The following UBR1 variants were observed in gnomAD, a reference collection of about 807,000 sequenced individuals.
UBR1 encodes ubiquitin protein ligase E3 component n-recognin 1, also known as E3 ubiquitin-protein ligase UBR1.
A neutral mutation model predicts 242.1 loss-of-function variants in UBR1; 102 were observed. The ratio of observed to expected loss-of-function variants is 0.42; its 90% CI spans 0.36 to 0.50. The LOEUF (loss-of-function observed/expected upper bound fraction) is 0.50, where lower values mean the gene tolerates loss of function less well. Among genes scored for constraint, UBR1 ranks in the 20% least tolerant of loss-of-function variants. The pLI is 0.01. For synonymous variants in UBR1, 675 were observed against 684.8 expected (o/e 0.99, Z 0.22); for missense variants, 1,772 against 2,101.8 (o/e 0.84, Z 3.07).
At chr15:42,983,484 C>G (rs1187610107) in intron 37 of UBR1, among the ~76,000 whole-genome samples, 1 of 151,378 alleles carries the variant, frequency 6.6e-6, no homozygotes, top group Non-Finnish European at 1.5e-5. Flanking sequence ...ATGGTGAAAC[C>G]CCATCTCTGC....
At position 43,037,832 on chromosome 15, in the gene UBR1, A is replaced by C. The variant is rs1206613222; in HGVS notation, c.1963T>G (p.Leu655Val). 6.2e-7 allele frequency: 1 copy of C among 1,614,172 alleles called. No homozygotes were observed. Among genetic ancestry groups the C allele is most frequent in the Non-Finnish European group, 8.5e-7 (1 of 1,180,026 alleles). Residue 655 changes from leucine (L) to valine (V), a missense_variant, in exon 17 of 47, where the codon TTG becomes GTG. This residue lies in a region of UBR1 where 734 missense variants were observed against 893.3 expected (regional missense o/e 0.82). Transcript: ENST00000290650. Reference sequence around the variant, plus strand: ...ATCTCAGCAACAACCTGGGCAACCAACACCAGACAACGTAAAGGATATTCC... The same window carrying C: ...ATCTCAGCAACAACCTGGGCAACCACCACCAGACAACGTAAAGGATATTCC... ...LVEYPLRCLVLVAQVVAEMWR... is the reference protein window; with the variant it reads ...LVEYPLRCLVVVAQVVAEMWR...
chr15:42,967,530 CTA>C, intron 40 of UBR1, among the ~76,000 whole-genome samples: 1 of 150,614 alleles, frequency 6.6e-6, no homozygotes, highest in East Asian at 2.0e-4. Context: ...TTCCTGGTTT[CTA>C]TATTAAGATT....
intron 12 of UBR1, 139 bp from the exon 13 acceptor site, chr15:43,048,630 CTAGAATTATTTA>C: frequency 2.9e-6 from 2 of 689,620 alleles, no homozygotes; most frequent in Non-Finnish European, 4.9e-6. Context: ...CTGAGTAGAG[CTAGAATTATTTA>C]TTCTGCCTTA....
chr15:43,083,736 A>G (rs1370149490), intron 2 of UBR1, among the ~76,000 whole-genome samples: 1 of 151,918 alleles, frequency 6.6e-6, no homozygotes, highest in Non-Finnish European at 1.5e-5. Flanking sequence ...AAAATTGGGG[A>G]ATTTTAAAAA....
intron 27 of UBR1, among the ~76,000 whole-genome samples, chr15:43,018,306 C>A (rs192463089): frequency 7.9e-5 from 12 of 152,210 alleles, no homozygotes; most frequent in African/African-American, 2.4e-4. Flanking sequence ...CAGCTATCCT[C>A]GGAGACATTT....
intron 1 of UBR1, among the ~76,000 whole-genome samples, chr15:43,099,391 A>G (rs2034199855): frequency 6.6e-6 from 1 of 152,120 alleles, no homozygotes; most frequent in Non-Finnish European, 1.5e-5. Flanking sequence ...TTTGATTTCC[A>G]TAATGATTAT....
At chr15:42,966,876 G>A (rs1226235917) in intron 40 of UBR1, among the ~76,000 whole-genome samples, 1 of 151,912 alleles carries the variant, frequency 6.6e-6, no homozygotes, top group Non-Finnish European at 1.5e-5. Context: ...CTACTTTAAA[G>A]GAACTTGACT....
chr15:42,996,728 C>T (rs976806882), intron 33 of UBR1, among the ~76,000 whole-genome samples: 10 of 152,002 alleles, frequency 6.6e-5, no homozygotes, highest in East Asian at 1.9e-4. Context: ...CTTAAAAGTA[C>T]GTAACTGAAA....
chr15:43,074,987 T>C lies in UBR1; in HGVS notation c.520A>G (p.Ile174Val), dbSNP rs766653121. The change falls in exon 4 of 47, where the codon ATA (isoleucine) becomes GTA (valine). Residue 174 changes from isoleucine (I) to valine (V), a missense_variant. This residue lies in a region of UBR1 where 734 missense variants were observed against 893.3 expected (regional missense o/e 0.82). Coordinates refer to ENST00000290650, the MANE Select transcript of UBR1 (RefSeq NM_174916.3). The part of the protein sequence containing the change: ...VNHEPGRAGT[I>V]KENSRCPLNE... ...CAAAATAGCATTCTTACCTCTTTTA[T>C]AGTACCTGCTCTTCCAGGTTCATGA... is the stretch of plus-strand genomic sequence containing the variant. 15 of 1,612,090 alleles carry C rather than the reference T, an allele frequency of 9.3e-6. No homozygotes were observed. In the Admixed American group the frequency reaches 1.0e-4, roughly 11 times the overall value.
At chr15:43,056,057 G>A (rs921620985) in intron 11 of UBR1, among the ~76,000 whole-genome samples, 1 of 152,150 alleles carries the variant, frequency 6.6e-6, no homozygotes, top group African/African-American at 2.4e-5. Flanking sequence ...TATTCTATCT[G>A]CCTACAAACA....
At chr15:42,987,098 A>T (rs1380496465) in intron 35 of UBR1, among the ~76,000 whole-genome samples, 1 of 152,226 alleles carries the variant, frequency 6.6e-6, no homozygotes, top group South Asian at 2.1e-4. Context: ...CAAGATGTCC[A>T]ACCGCAGTCT....
At chr15:43,059,920 C>T in intron 7 of UBR1, 95 bp from the exon 8 acceptor site, 1 of 1,560,066 alleles carries the variant, frequency 6.4e-7, no homozygotes, top group Non-Finnish European at 8.8e-7. Flanking sequence ...CATAACCCTG[C>T]CAGTTCCAAA....
At chr15:43,000,462 G>GTAAA (rs1345005603) in intron 32 of UBR1, among the ~76,000 whole-genome samples, 10 of 152,196 alleles carry the variant, frequency 6.6e-5, no homozygotes, top group Non-Finnish European at 8.8e-5. Flanking sequence ...GAGCCACTGT[G>GTAAA]TAAAAAAGGC....
At position 42,943,026 on chromosome 15, in the gene UBR1, G is replaced by A. The variant is rs543527834; in HGVS notation, c.*2303C>T. 1 of 152,614 alleles carries A rather than the reference G, an allele frequency of 6.6e-6. No individual in the cohort carries two copies. Among genetic ancestry groups the A allele is most frequent in the South Asian group, 2.1e-4 (1 of 4,804 alleles). 9.5% of individuals were successfully genotyped at this position (152,614 alleles called of 1,614,324 possible). A position where few individuals can be genotyped will look rare whatever the true frequency, so the allele number is the denominator to read the frequency against. On this transcript the variant is annotated 3_prime_UTR_variant, in exon 47 of 47. Coordinates refer to ENST00000290650, the MANE Select transcript of UBR1 (RefSeq NM_174916.3). Reference sequence around the variant, plus strand: ...TATTTGTATAACTTCATCATGGATGGAATTTGAATCAGTGGTATAAACATG... The same window carrying A: ...TATTTGTATAACTTCATCATGGATGAAATTTGAATCAGTGGTATAAACATG...
intron 10 of UBR1, among the ~76,000 whole-genome samples, chr15:43,057,844 T>C (rs1195124596): frequency 6.6e-6 from 1 of 152,156 alleles, no homozygotes; most frequent in Non-Finnish European, 1.5e-5. Context: ...ATCTCTTCTC[T>C]AAGAATGCTG....
At chr15:43,057,151 A>C (rs1437478527) in intron 10 of UBR1, among the ~76,000 whole-genome samples, 3 of 152,232 alleles carry the variant, frequency 2.0e-5, no homozygotes, top group Non-Finnish European at 4.4e-5. Flanking sequence ...GTATAAGAAA[A>C]CAAAATTTCA....
chr15:43,013,052 C>G (rs149315916), intron 29 of UBR1, among the ~76,000 whole-genome samples: 3 of 152,232 alleles, frequency 2.0e-5, no homozygotes, highest in Non-Finnish European at 2.9e-5. Context: ...ACTAAATGCA[C>G]GCGTCACCAC....
At chr15:43,001,776 T>C (rs768188918) in intron 32 of UBR1, among the ~76,000 whole-genome samples, 1 of 152,168 alleles carries the variant, frequency 6.6e-6, no homozygotes, top group Non-Finnish European at 1.5e-5. Context: ...GAGAGATATA[T>C]AAAAACAAAT....
intron 43 of UBR1, among the ~76,000 whole-genome samples, chr15:42,959,601 C>T (rs1447879253): frequency 6.6e-6 from 1 of 152,044 alleles, no homozygotes; most frequent in Non-Finnish European, 1.5e-5. Context: ...GGGTAAATAG[C>T]AGATGTATAA....
Sources: allele counts gnomAD v4.1 joint callset (sites outside exome capture counted in the v4.1 genomes callset), GRCh38; gene constraint gnomAD v4.1.1; regional missense constraint gnomAD v4.1.1; transcripts MANE v1.5; gene names NCBI Gene and HGNC (gene_info 2026-07-23, HGNC 2026-07-21).